The following SGCZ variants were observed in gnomAD, a reference collection of about 807,000 sequenced individuals.
SGCZ encodes zeta-sarcoglycan.
Under a neutral mutation model 41.3 loss-of-function variants are expected in SGCZ, and 40 were observed. The ratio of observed to expected loss-of-function variants is 0.97; its 90% confidence interval spans 0.75 to 1.26. SGCZ has a LOEUF of 1.26. Ranked by LOEUF, SGCZ falls within the 50% of genes most tolerant of loss-of-function variation. The probability of loss-of-function intolerance (pLI) is 0.00; values close to 1 mark genes in which losing one functional copy is unlikely to be tolerated. For synonymous variants in SGCZ, 206 were observed against 137.5 expected (o/e 1.50, Z -3.49); for missense variants, 552 against 369.8 (o/e 1.49, Z -4.04).
At chr8:14,965,921 G>A (rs146212896) in intron 1 of SGCZ, among the ~76,000 whole-genome samples, 107 of 152,014 alleles carry the variant, frequency 7.0e-4, no homozygotes, top group Middle Eastern at 6.8e-3. Context: ...ACTCATGATC[G>A]AAGAAGAAAC....
At chr8:15,098,274 C>A (rs1442643943) in intron 1 of SGCZ, among the ~76,000 whole-genome samples, 2 of 152,048 alleles carry the variant, frequency 1.3e-5, no homozygotes, top group Non-Finnish European at 2.9e-5. Context: ...AAGTTTAAAG[C>A]TACAATGTGC....
intron 1 of SGCZ, among the ~76,000 whole-genome samples, chr8:14,676,972 G>A (rs1044416969): frequency 1.3e-5 from 2 of 150,292 alleles, no homozygotes; most frequent in African/African-American, 4.9e-5. Context: ...AATGCAATAA[G>A]AAAGAAAAAA....
At chr8:14,891,476 G>C (rs550649821) in intron 1 of SGCZ, among the ~76,000 whole-genome samples, 1 of 152,302 alleles carries the variant, frequency 6.6e-6, no homozygotes, top group Admixed American at 6.5e-5. Context: ...AATTGCTACA[G>C]TCTCAGGATA....
chr8:14,091,849 C>G (rs866641533), intron 7 of SGCZ, among the ~76,000 whole-genome samples: 2 of 151,702 alleles, frequency 1.3e-5, no homozygotes, highest in Non-Finnish European at 3.0e-5. Context: ...TCCCATTTGT[C>G]GTCACTGCTT....
At chr8:14,783,530 C>A (rs148726417) in intron 1 of SGCZ, among the ~76,000 whole-genome samples, 2 of 151,838 alleles carry the variant, frequency 1.3e-5, no homozygotes, top group African/African-American at 4.8e-5. Context: ...TTCTTTTCAG[C>A]TTTTCTGACA....
chr8:14,446,278 T>C (rs1159127672), intron 2 of SGCZ, among the ~76,000 whole-genome samples: 2 of 152,206 alleles, frequency 1.3e-5, no homozygotes, highest in African/African-American at 4.8e-5. Flanking sequence ...TGGTTTTACC[T>C]ACTGCTGTCA....
At chr8:15,151,295 A>G (rs1353745610) in intron 1 of SGCZ, among the ~76,000 whole-genome samples, 1 of 152,204 alleles carries the variant, frequency 6.6e-6, no homozygotes, top group Non-Finnish European at 1.5e-5. Context: ...TATCCCCACT[A>G]AGCTACTTCT....
At chr8:14,895,853 T>C (rs1016849816) in intron 1 of SGCZ, among the ~76,000 whole-genome samples, 3 of 152,320 alleles carry the variant, frequency 2.0e-5, no homozygotes, top group South Asian at 2.1e-4. Context: ...GAGATTCTAA[T>C]TGATCTATGT....
At chr8:14,439,698 G>A (rs1020760814) in intron 2 of SGCZ, among the ~76,000 whole-genome samples, 6 of 151,988 alleles carry the variant, frequency 3.9e-5, no homozygotes, top group African/African-American at 1.4e-4. Context: ...TGAACTGATA[G>A]AGAATAAAAT....
chr8:14,143,197 T>C (rs1470716413), intron 5 of SGCZ, among the ~76,000 whole-genome samples: 1 of 152,116 alleles, frequency 6.6e-6, no homozygotes, highest in East Asian at 1.9e-4. Context: ...TTTAAAAACC[T>C]ATAGCAAACA....
intron 1 of SGCZ, among the ~76,000 whole-genome samples, chr8:14,956,782 G>T (rs1350366830): frequency 6.6e-6 from 1 of 152,058 alleles, no homozygotes; most frequent in East Asian, 1.9e-4. Flanking sequence ...AGACTAGAAT[G>T]CCCAGGTTAT....
At chr8:14,642,074 AC>A (rs1464331878) in intron 1 of SGCZ, among the ~76,000 whole-genome samples, 1 of 151,574 alleles carries the variant, frequency 6.6e-6, no homozygotes, top group Non-Finnish European at 1.5e-5. Context: ...TGTACAATTC[AC>A]CTGGAAGTAT....
chr8:14,684,225 G>C (rs1264044371), intron 1 of SGCZ, among the ~76,000 whole-genome samples: 2 of 152,076 alleles, frequency 1.3e-5, no homozygotes, highest in Admixed American at 1.3e-4. Flanking sequence ...CTTGGCATCT[G>C]ATGGCTTCTT....
chr8:15,147,220 C>A (rs941331769), intron 1 of SGCZ, among the ~76,000 whole-genome samples: 1 of 152,162 alleles, frequency 6.6e-6, no homozygotes. Flanking sequence ...CACATTCTAT[C>A]ATCCTCACTC....
chr8:14,385,544 T>G (rs887512369), intron 2 of SGCZ, among the ~76,000 whole-genome samples: 3 of 152,134 alleles, frequency 2.0e-5, no homozygotes, highest in African/African-American at 4.8e-5. Context: ...AGAATGAAGT[T>G]AGAAAACACA....
At chr8:14,749,901 G>T (rs1013422412) in intron 1 of SGCZ, among the ~76,000 whole-genome samples, 12 of 152,094 alleles carry the variant, frequency 7.9e-5, no homozygotes, top group African/African-American at 2.6e-4. Flanking sequence ...CAAACTGAAA[G>T]AATATTATGT....
chr8:15,119,974 T>A (rs1301539878), intron 1 of SGCZ, among the ~76,000 whole-genome samples: 3 of 146,060 alleles, frequency 2.1e-5, no homozygotes, highest in South Asian at 4.3e-4. Context: ...CAAGCTCGGT[T>A]TTTTGGTGTT....
At chr8:15,113,352 T>C (rs975771582) in intron 1 of SGCZ, among the ~76,000 whole-genome samples, 6 of 152,306 alleles carry the variant, frequency 3.9e-5, no homozygotes, top group Admixed American at 3.3e-4. Flanking sequence ...TATTCATCTA[T>C]AAATCCCATT....
chr8:14,556,176 C>G (rs1804029235), intron 1 of SGCZ, among the ~76,000 whole-genome samples: 1 of 151,546 alleles, frequency 6.6e-6, no homozygotes, highest in South Asian at 2.1e-4. Context: ...TATTTATTAC[C>G]AGAAGGATGG....
Sources: allele counts gnomAD v4.1 joint callset (sites outside exome capture counted in the v4.1 genomes callset), GRCh38; gene constraint gnomAD v4.1.1; transcripts MANE v1.5; gene names NCBI Gene and HGNC (gene_info 2026-07-23, HGNC 2026-07-21).